Variants in AAMP observed in about 807,000 individuals in gnomAD.
AAMP encodes angio associated migratory cell protein.
AAMP carries 12 observed loss-of-function variants against 51.1 expected under a neutral mutation model. The ratio of observed to expected loss-of-function variants is 0.23; its 90% CI spans 0.15 to 0.38. The LOEUF is 0.38. Ranked by LOEUF, AAMP falls within the 10% of genes least tolerant of loss-of-function variation. The pLI, the probability that AAMP is intolerant of heterozygous loss-of-function variation, is 1.00. For missense variants in AAMP, 418 were observed against 557.2 expected (o/e 0.75, Z 2.52); for synonymous variants, 210 against 218.7 (o/e 0.96, Z 0.35).
In AAMP at chr2:218,269,950, G is replaced by A. The variant is rs1690753069; in HGVS notation, c.121+16C>T. 6.2e-7 allele frequency: 1 copy of A among 1,614,082 alleles called. No individual in the cohort carries two copies. The highest frequency in any genetic ancestry group is 8.5e-7 in the Non-Finnish European group (1 of 1,179,982). On this transcript the variant is annotated intron_variant, in intron 1 of 10. Coordinates refer to ENST00000248450, the MANE Select transcript of AAMP (RefSeq NM_001087.5). Reference sequence around the variant, plus strand: ...AGCGTCTCCTGTCCCATGGCCTGAGGAGCGGCAGTTCTCACCTGGGTCCGG... The same window carrying A: ...AGCGTCTCCTGTCCCATGGCCTGAGAAGCGGCAGTTCTCACCTGGGTCCGG...
rs1489242238 is a variant in AAMP at position 218,269,363 on chromosome 2, G to T, written c.274+19C>A. ...CGCCCACCTAAACTGATTTGAGGTG[G>T]ATCGCCTCAAAGACCTACCTGAGTG... is the stretch of plus-strand genomic sequence containing the variant. On this transcript the variant is annotated intron_variant, in intron 2 of 10. Transcript: ENST00000248450. 6.2e-7 allele frequency: 1 copy of T among 1,613,264 alleles called. No individual in the cohort carries two copies. Among genetic ancestry groups the T allele is most frequent in the Non-Finnish European group, 8.5e-7 (1 of 1,179,916 alleles).
In AAMP at chr2:218,267,712, G is replaced by C; in HGVS notation, c.275-99C>G. On this transcript the variant is annotated intron_variant, in intron 2 of 10. Transcript: ENST00000248450. This position sits in a 1 kb window ranked among gnomAD's most constrained non-coding sequence, Gnocchi z 4.6. Reference sequence around the variant, plus strand: ...AAACCCACCCCCTTTCACCCAAAGCGTGTCTTTCCTCCTGGAAAACACAGG... The same window carrying C: ...AAACCCACCCCCTTTCACCCAAAGCCTGTCTTTCCTCCTGGAAAACACAGG... 1 of 1,478,166 alleles carries C rather than the reference G, an allele frequency of 6.8e-7. No homozygotes were observed. Among genetic ancestry groups the C allele is most frequent in the African/African-American group, 1.4e-5 (1 of 71,646 alleles). 91.6% of individuals were successfully genotyped at this position (1,478,166 alleles called of 1,614,324 possible).
intron 1 of AAMP, 72 bp downstream of exon 1, chr2:218,269,894 G>A: frequency 6.2e-7 from 1 of 1,600,784 alleles, no homozygotes; most frequent in Non-Finnish European, 8.5e-7. Flanking sequence ...GGAGGGGAGC[G>A]GGGAAAAGCA....
rs1158143109 is a variant in AAMP at position 218,269,957 on chromosome 2, A to G, written c.121+9T>C. On this transcript the variant is annotated intron_variant, in intron 1 of 10. Transcript: ENST00000248450. ...CCTGTCCCATGGCCTGAGGAGCGGC[A>G]GTTCTCACCTGGGTCCGGCGGACCG... 2 of 1,614,076 alleles carry G rather than the reference A, an allele frequency of 1.2e-6. No individual in the cohort carries two copies. Among genetic ancestry groups the G allele is most frequent in the Admixed American group, 3.3e-5 (2 of 60,022 alleles).
At position 218,269,314 on chromosome 2, in the gene AAMP, C is replaced by G; in HGVS notation, c.274+68G>C. The G allele has an allele frequency of 2.5e-6, 4 of 1,592,684 alleles. No individual in the cohort carries two copies. The South Asian group carries it at 4.4e-5, about 18-fold the overall frequency. On this transcript the variant is annotated intron_variant, in intron 2 of 10. Transcript: ENST00000248450. ...TCTGTGTCCCCCATAACGTTCTGTC[C>G]ATGGCTGATGTTTAATGCTTACACG...
Position 218,266,688 on chromosome 2 carries a change from G to A in AAMP, c.535-101C>T, listed in dbSNP as rs544492246. On this transcript the variant is annotated intron_variant, in intron 4 of 10. Transcript: ENST00000248450. The surrounding 1 kb of genome is among the most constrained non-coding windows in gnomAD (Gnocchi z 4.7). Reference sequence around the variant, plus strand: ...CAAGGTTTCCTGCCTCTGGGGTTCCGCGGGGACTTTCCAGGTAGCAGGTAG... The same window carrying A: ...CAAGGTTTCCTGCCTCTGGGGTTCCACGGGGACTTTCCAGGTAGCAGGTAG... The A allele has an allele frequency of 2.1e-4, 331 of 1,553,428 alleles. No individual in the cohort carries two copies. Among genetic ancestry groups the A allele is most frequent in the African/African-American group, 1.6e-3 (118 of 73,532 alleles).
At position 218,265,080 on chromosome 2, in the gene AAMP, C is replaced by T. The variant is rs1690589783; in HGVS notation, c.1169G>A (p.Gly390Asp). 2 of 1,613,538 alleles carry T rather than the reference C, an allele frequency of 1.2e-6. No homozygotes were observed. The highest frequency in any genetic ancestry group is 1.7e-6 in the Non-Finnish European group (2 of 1,179,956). ...GIVRLWDART[G>D]RLLTDYRGHT... The stretch of plus-strand genomic sequence containing the variant: ...GCCCCGGTAGTCAGTAAGCAGGCGG[C>T]CGGTCCGGGCGTCCCAGAGGCGCAC... The change falls in exon 10 of 11, where the codon GGC becomes GAC. Residue 390 changes from glycine (G) to aspartate (D), a missense_variant. Gly to Asp is a moderately conservative substitution (Grantham distance 94). Transcript: ENST00000248450. This position sits in a 1 kb window ranked among gnomAD's most constrained non-coding sequence, Gnocchi z 6.6.
intron 10 of AAMP, 59 bp downstream of exon 10, chr2:218,264,961 A>G: frequency 1.9e-6 from 3 of 1,607,456 alleles, no homozygotes; most frequent in South Asian, 1.1e-5. Context: ...TGTGTCCCCT[A>G]CATACTACTG....
chr2:218,266,723 C>T lies in AAMP; in HGVS notation c.534+124G>A, dbSNP rs1013660004. 6.4e-7 allele frequency: 1 copy of T among 1,556,016 alleles called. No individual in the cohort carries two copies. Among genetic ancestry groups the T allele is most frequent in the African/African-American group, 1.4e-5 (1 of 73,692 alleles). On this transcript the variant is annotated intron_variant, in intron 4 of 10. Transcript: ENST00000248450. This position sits in a 1 kb window ranked among gnomAD's most constrained non-coding sequence, Gnocchi z 4.7. ...TCCAGGTAGCAGGTAGATATTCTTC[C>T]TGTGCCTTGGGGCGCATTGGCTCAG...
At chr2:218,269,558 G>A in intron 1 of AAMP, 24 bp from the exon 2 acceptor site, 1 of 1,614,134 alleles carries the variant, frequency 6.2e-7, no homozygotes, top group Non-Finnish European at 8.5e-7. Context: ...AGGGTTAGAA[G>A]ATGGGGCTCG....
At position 218,265,292 on chromosome 2, in the gene AAMP, G is replaced by T; in HGVS notation, c.1074+79C>A. 6.5e-7 allele frequency: 1 copy of T among 1,540,490 alleles called. No homozygotes were observed. The highest frequency in any genetic ancestry group is 8.8e-7 in the Non-Finnish European group (1 of 1,134,850). ...AGGGCCAGGCAGGAGCCAGATCTGGGGTAGATGCTCCTGGAGGCCTGGGCT... is the reference window on the plus strand; with the variant it reads ...AGGGCCAGGCAGGAGCCAGATCTGGTGTAGATGCTCCTGGAGGCCTGGGCT... On this transcript the variant is annotated intron_variant, in intron 9 of 10. Coordinates refer to ENST00000248450, the MANE Select transcript of AAMP (RefSeq NM_001087.5). This position sits in a 1 kb window ranked among gnomAD's most constrained non-coding sequence, Gnocchi z 6.6.
Position 218,265,836 on chromosome 2 carries a change from C to G in AAMP, c.874G>C (p.Gly292Arg). 1 of 1,611,468 alleles carries G rather than the reference C, an allele frequency of 6.2e-7. No individual in the cohort carries two copies. The highest frequency in any genetic ancestry group is 8.5e-7 in the Non-Finnish European group (1 of 1,178,310). ...CQAKLVSATTGKVVGVFRPET... is the reference protein window; with the variant it reads ...CQAKLVSATTRKVVGVFRPET... The stretch of plus-strand genomic sequence containing the variant: ...CGGGCTCCAGGTCCACTCACCTTGC[C>G]GGTGGTGGCACTGACCAGCTTGGCC... The change falls in exon 7 of 11, where the codon GGC (glycine) becomes CGC (arginine). Residue 292 changes from glycine to arginine, a missense_variant. By Grantham distance (125) the Gly-to-Arg change is moderately radical. Coordinates refer to ENST00000248450, the MANE Select transcript of AAMP (RefSeq NM_001087.5). This position sits in a 1 kb window ranked among gnomAD's most constrained non-coding sequence, Gnocchi z 6.6.
chr2:218,267,921 G>A lies in AAMP; in HGVS notation c.275-308C>T, dbSNP rs1308283915. ...ACAGTTGTCAGCATGGGATGCCACC[G>A]GGGTTGGGTACAGAGCGAGGAGAGC... On this transcript the variant is annotated intron_variant, in intron 2 of 10. Transcript: ENST00000248450. The surrounding 1 kb of genome is among the most constrained non-coding windows in gnomAD (Gnocchi z 4.6). Among the ~76,000 whole-genome samples, 5 of 152,140 alleles carry A rather than the reference G, an allele frequency of 3.3e-5. No individual in the cohort carries two copies. Among genetic ancestry groups the A allele is most frequent in the African/African-American group, 2.4e-5 (1 of 41,428 alleles).
Position 218,266,751 on chromosome 2 carries a change from C to A in AAMP, c.534+96G>T, listed in dbSNP as rs1690639405. On this transcript the variant is annotated intron_variant, in intron 4 of 10. Coordinates refer to ENST00000248450, the MANE Select transcript of AAMP (RefSeq NM_001087.5). The surrounding 1 kb of genome is among the most constrained non-coding windows in gnomAD (Gnocchi z 4.7). Reference sequence around the variant, plus strand: ...TGCCTTGGGGCGCATTGGCTCAGAGCTGGCTTGGCGCAATAAAGGCAGAAC... The same window carrying A: ...TGCCTTGGGGCGCATTGGCTCAGAGATGGCTTGGCGCAATAAAGGCAGAAC... 3.2e-6 allele frequency: 5 copies of A among 1,580,866 alleles called. No individual in the cohort carries two copies. Among genetic ancestry groups the A allele is most frequent in the African/African-American group, 1.3e-5 (1 of 74,350 alleles).
In AAMP at chr2:218,265,021, T is replaced by G. The variant is rs1349061728; in HGVS notation, c.1228A>C (p.Lys410Gln). The G allele has an allele frequency of 6.8e-6, 11 of 1,613,648 alleles. No homozygotes were observed. Among genetic ancestry groups the G allele is most frequent in the Non-Finnish European group, 9.3e-6 (11 of 1,180,014 alleles). The part of the protein sequence containing the change: ...TAEILDFALS[K>Q]DASLVVTTSG... The stretch of plus-strand genomic sequence containing the variant: ...CCAGCCCTTGGCCAATTCACTTACT[T>G]GCTGAGGGCAAAGTCCAGGATCTCA... Residue 410 changes from lysine to glutamine, a missense_variant and splice_region_variant, in exon 10 of 11, where the codon AAA becomes CAA. By Grantham distance (53) the Lys-to-Gln change is moderately conservative. Transcript: ENST00000248450. The surrounding 1 kb of genome is among the most constrained non-coding windows in gnomAD (Gnocchi z 6.6).
chr2:218,268,506 T>A lies in AAMP; in HGVS notation c.274+876A>T, dbSNP rs547918215. ...GGCACATGCCACCACACCCAGCTAA[T>A]TTTTTTTTTATTTTTAGTAGAGATG... On this transcript the variant is annotated intron_variant, in intron 2 of 10. Transcript: ENST00000248450. 8.8e-5 allele frequency among the ~76,000 whole-genome samples: 13 copies of A among 147,446 alleles called. No homozygotes were observed. The East Asian group carries it at 2.4e-3, about 27-fold the overall frequency.
At chr2:218,264,651 A>G in intron 10 of AAMP, 43 bp from the exon 11 acceptor site, 1 of 1,581,902 alleles carries the variant, frequency 6.3e-7, no homozygotes, top group Non-Finnish European at 8.7e-7. Context: ...GGGGGACCCA[A>G]GCCCACCACC....
Position 218,265,258 on chromosome 2 carries a change from CCA to C in AAMP, c.1075-86_1075-85del. On this transcript the variant is annotated intron_variant, in intron 9 of 10. Coordinates refer to ENST00000248450, the MANE Select transcript of AAMP (RefSeq NM_001087.5). This position sits in a 1 kb window ranked among gnomAD's most constrained non-coding sequence, Gnocchi z 6.6. ...GCTCCCAATTCTCAAAGAGGGACAG[CCA>C]CACACAAGGGCCAGGCAGGAGCCAG... 6.4e-7 allele frequency: 1 copy of C among 1,557,518 alleles called. No homozygotes were observed. The highest frequency in any genetic ancestry group is 8.7e-7 in the Non-Finnish European group (1 of 1,150,152).
intron 2 of AAMP, 25 bp downstream of exon 2, chr2:218,269,357 G>T: frequency 6.2e-7 from 1 of 1,612,818 alleles, no homozygotes; most frequent in South Asian, 1.1e-5. Context: ...AAACTGATTT[G>T]AGGTGGATCG....
Sources: allele counts gnomAD v4.1 joint callset (sites outside exome capture counted in the v4.1 genomes callset), GRCh38; gene constraint gnomAD v4.1.1; non-coding constraint Gnocchi (gnomAD v3.1); transcripts MANE v1.5; gene names NCBI Gene and HGNC (gene_info 2026-07-23, HGNC 2026-07-21).